PPIL6: variants seen among roughly 807,000 people sequenced by gnomAD.
PPIL6 encodes probable inactive peptidyl-prolyl cis-trans isomerase-like 6.
PPIL6 carries 39 observed loss-of-function variants against 36.8 expected under a neutral mutation model. The observed-to-expected ratio is 1.06, with a 90% CI of 0.82 to 1.38. The LOEUF is 1.38. Ranked by LOEUF, PPIL6 falls within the 40% of genes most tolerant of loss-of-function variation. PPIL6 has a pLI of 0.00. For synonymous variants in PPIL6, 123 were observed against 134.1 expected (o/e 0.92, Z 0.57); for missense variants, 368 against 379.1 (o/e 0.97, Z 0.24).
intron 5 of PPIL6, 37 bp downstream of exon 5, chr6:109,426,810 T>C: frequency 7.3e-7 from 1 of 1,376,680 alleles, no homozygotes; most frequent in Non-Finnish European, 9.9e-7. Context: ...TCTCATTTGA[T>C]ATTGCAATTA....
At position 109,440,523 on chromosome 6, in the gene PPIL6, G is replaced by C; in HGVS notation, c.68C>G (p.Pro23Arg). 6.6e-7 allele frequency: 1 copy of C among 1,506,272 alleles called. No homozygotes were observed. The highest frequency in any genetic ancestry group is 8.9e-7 in the Non-Finnish European group (1 of 1,128,606). The allele number at this position is 1,506,272 out of a possible 1,614,324, so 93.3% of individuals were successfully genotyped here. ...GAGCCCCACCACCTTCACCTGCAGC[G>C]GCCGCTCCGGCAGCGACGGCGAGCC... ...RCGSPSLPER[P>R]LQVKVVGLFS... The change falls in exon 1 of 8, where the codon CCG becomes CGG. Residue 23 changes from proline to arginine, a missense_variant. Transcript: ENST00000521072.
At chr6:109,440,348 T>C (rs1290249646) in intron 1 of PPIL6, 108 bp downstream of exon 1, 1 of 1,337,238 alleles carries the variant, frequency 7.5e-7, no homozygotes, top group Non-Finnish European at 1.0e-6. Context: ...CCTCGGCCGG[T>C]GGGGCCTCGA....
chr6:109,424,940 G>C (rs1271263124), intron 5 of PPIL6, among the ~76,000 whole-genome samples: 1 of 152,196 alleles, frequency 6.6e-6, no homozygotes, highest in Admixed American at 6.5e-5. Context: ...CTACAGAGTA[G>C]CCATTCTTCT....
At chr6:109,399,013 G>A (rs916465368) in intron 7 of PPIL6, among the ~76,000 whole-genome samples, 3 of 151,972 alleles carry the variant, frequency 2.0e-5, no homozygotes, top group African/African-American at 7.3e-5. Context: ...CACAATCATG[G>A]CTCCCAGGCT....
Position 109,395,444 on chromosome 6 carries a change from C to T in PPIL6, c.825-2507G>A, listed in dbSNP as rs114582924. Among the ~76,000 whole-genome samples the T allele has an allele frequency of 9.9e-3, 1,497 of 151,562 alleles. 24 individuals carry two copies. The highest frequency in any genetic ancestry group is 0.035 in the African/African-American group (1,426 of 41,314). Reference sequence around the variant, plus strand: ...CCCTTAATTAGAATTAAATATAGTTCCTTAGTCACACTAGCCACATTTCAA... The same window carrying T: ...CCCTTAATTAGAATTAAATATAGTTTCTTAGTCACACTAGCCACATTTCAA... On this transcript the variant is annotated intron_variant, in intron 7 of 7. Transcript: ENST00000521072.
intron 6 of PPIL6, among the ~76,000 whole-genome samples, chr6:109,401,265 G>A (rs986600912): frequency 2.0e-5 from 3 of 152,070 alleles, no homozygotes; most frequent in African/African-American, 7.2e-5. Flanking sequence ...AGATTTAGAA[G>A]TAAAAAGAGT....
intron 2 of PPIL6, among the ~76,000 whole-genome samples, chr6:109,435,478 C>A (rs1034598900): frequency 1.3e-5 from 2 of 151,772 alleles, no homozygotes; most frequent in African/African-American, 4.8e-5. Context: ...TTGTATTTTT[C>A]GTAGAGACGG....
chr6:109,415,825 T>C (rs952192951), intron 6 of PPIL6, among the ~76,000 whole-genome samples: 1 of 152,196 alleles, frequency 6.6e-6, no homozygotes, highest in Non-Finnish European at 1.5e-5. Context: ...AGAGGCTGAA[T>C]TAGACATGTT....
At chr6:109,398,695 A>G (rs1772400407) in intron 7 of PPIL6, among the ~76,000 whole-genome samples, 1 of 152,170 alleles carries the variant, frequency 6.6e-6, no homozygotes, top group Admixed American at 6.5e-5. Context: ...ATCGTTCAGT[A>G]AAAAAAGTTA....
intron 5 of PPIL6, among the ~76,000 whole-genome samples, chr6:109,425,168 T>C (rs2115260928): frequency 6.6e-6 from 1 of 152,330 alleles, no homozygotes; most frequent in Non-Finnish European, 1.5e-5. Context: ...TATCCCCATT[T>C]TATGATTAAG....
At chr6:109,439,516 C>G (rs973431919) in intron 1 of PPIL6, among the ~76,000 whole-genome samples, 2 of 152,142 alleles carry the variant, frequency 1.3e-5, no homozygotes, top group Admixed American at 1.3e-4. Context: ...CCACCACGCC[C>G]GGCTAATTTT....
At chr6:109,425,040 T>A (rs1444874732) in intron 5 of PPIL6, among the ~76,000 whole-genome samples, 1 of 152,228 alleles carries the variant, frequency 6.6e-6, no homozygotes, top group Non-Finnish European at 1.5e-5. Flanking sequence ...GAACCCTCTC[T>A]TGGGGTCTGG....
intron 5 of PPIL6, among the ~76,000 whole-genome samples, chr6:109,425,749 CAAAAAAA>C (rs34275471): frequency 1.9e-5 from 2 of 103,702 alleles, no homozygotes; most frequent in African/African-American, 3.6e-5. Context: ...GACTCCGTTT[CAAAAAAA>C]AAAAAAAAAA....
intron 6 of PPIL6, among the ~76,000 whole-genome samples, chr6:109,411,231 G>A (rs2115221409): frequency 6.6e-6 from 1 of 152,302 alleles, no homozygotes. Flanking sequence ...AATTGGCAGT[G>A]ATAGGACTAG....
At chr6:109,428,027 G>A (rs1773916270) in intron 3 of PPIL6, among the ~76,000 whole-genome samples, 1 of 152,136 alleles carries the variant, frequency 6.6e-6, no homozygotes, top group Non-Finnish European at 1.5e-5. Flanking sequence ...CCAGAGATAG[G>A]GAAGAGAAGG....
chr6:109,424,039 G>A (rs1407582765), intron 5 of PPIL6, among the ~76,000 whole-genome samples: 1 of 152,156 alleles, frequency 6.6e-6, no homozygotes, highest in African/African-American at 2.4e-5. Context: ...AGAAACATAT[G>A]GTAGTATGTC....
chr6:109,438,682 G>A (rs1464064905), intron 1 of PPIL6, among the ~76,000 whole-genome samples: 2 of 151,718 alleles, frequency 1.3e-5, no homozygotes, highest in Admixed American at 6.6e-5. Flanking sequence ...TCCACCTCCC[G>A]GGTTCAAGCG....
intron 6 of PPIL6, among the ~76,000 whole-genome samples, chr6:109,401,728 C>CTTTT (rs11397016): frequency 1.4e-5 from 2 of 146,000 alleles, no homozygotes; most frequent in African/African-American, 5.1e-5. Context: ...GAGAGTTTTT[C>CTTTT]TTTTTTTTTT....
chr6:109,395,607 CTTTT>C (rs765163208), intron 7 of PPIL6, among the ~76,000 whole-genome samples: 1 of 111,116 alleles, frequency 9.0e-6, no homozygotes. Flanking sequence ...ACTCTAACTT[CTTTT>C]TTTTTTTTTT....
Sources: gnomAD v4.1 joint callset for allele counts (sites outside exome capture counted in the v4.1 genomes callset) on GRCh38, gnomAD v4.1.1 for gene constraint, MANE v1.5 for transcripts, NCBI Gene and HGNC (gene_info 2026-07-23, HGNC 2026-07-21) for gene names.